Variants in AKAP6 observed in about 807,000 individuals in gnomAD.
AKAP6 encodes A-kinase anchor protein 6.
Under a neutral mutation model 188.5 loss-of-function variants are expected in AKAP6, and 58 were observed. The observed-to-expected ratio is 0.31, with a 90% CI of 0.25 to 0.38. The LOEUF (loss-of-function observed/expected upper bound fraction) is 0.38. AKAP6 is among the 10% of genes least tolerant of loss of function. The pLI is 1.00. For synonymous variants in AKAP6, 989 were observed against 998.6 expected, an observed-to-expected ratio of 0.99 and a Z score of 0.18; for missense variants, 2,710 against 2,740.0, an observed-to-expected ratio of 0.99 and a Z score of 0.24.
chr14:32,614,186 G>T (rs1886463363), intron 7 of AKAP6, among the ~76,000 whole-genome samples: 1 of 152,114 alleles, frequency 6.6e-6, no homozygotes, highest in Non-Finnish European at 1.5e-5. Context: ...TATTATTTTT[G>T]TATTTTTTCC....
chr14:32,499,328 CAAAAAA>C (rs71432061), intron 2 of AKAP6, among the ~76,000 whole-genome samples: 4 of 111,096 alleles, frequency 3.6e-5, no homozygotes, highest in African/African-American at 1.3e-4. Flanking sequence ...AGTGTAACAG[CAAAAAA>C]AAAAAAAAAA....
At chr14:32,650,290 G>A (rs1055636705) in intron 7 of AKAP6, among the ~76,000 whole-genome samples, 1 of 152,130 alleles carries the variant, frequency 6.6e-6, no homozygotes, top group South Asian at 2.1e-4. Flanking sequence ...TTGTCTTTCA[G>A]ACATACCAGT....
intron 9 of AKAP6, among the ~76,000 whole-genome samples, chr14:32,725,007 A>AC (rs2030783935): frequency 6.7e-6 from 1 of 149,736 alleles, no homozygotes; most frequent in East Asian, 2.0e-4. Flanking sequence ...AAAAAAAAAA[A>AC]AAAAAAAAAA....
chr14:32,414,949 T>C (rs1889609744), intron 1 of AKAP6, among the ~76,000 whole-genome samples: 1 of 152,166 alleles, frequency 6.6e-6, no homozygotes, highest in South Asian at 2.1e-4. Flanking sequence ...CACAAGTAAT[T>C]ACATTATGTA....
intron 2 of AKAP6, among the ~76,000 whole-genome samples, chr14:32,512,943 A>G (rs1321054953): frequency 6.6e-6 from 1 of 152,218 alleles, no homozygotes; most frequent in Non-Finnish European, 1.5e-5. Flanking sequence ...CAAAAATTAT[A>G]TGTTGCAATA....
At chr14:32,355,077 T>C (rs145833249) in intron 1 of AKAP6, among the ~76,000 whole-genome samples, 7 of 152,330 alleles carry the variant, frequency 4.6e-5, no homozygotes, top group African/African-American at 1.7e-4. Context: ...TTCTATGGAC[T>C]AATTCTTTGA....
intron 2 of AKAP6, among the ~76,000 whole-genome samples, chr14:32,478,271 G>A (rs1315071632): frequency 2.0e-5 from 3 of 152,324 alleles, no homozygotes; most frequent in East Asian, 1.9e-4. Context: ...CCAAGTCCCT[G>A]TGTGATTGCC....
chr14:32,637,030 T>C (rs1239839730), intron 7 of AKAP6, among the ~76,000 whole-genome samples: 1 of 151,938 alleles, frequency 6.6e-6, no homozygotes, highest in African/African-American at 2.4e-5. Flanking sequence ...ATCCAAGAGA[T>C]GTTAGGGAGG....
At chr14:32,347,331 G>A (rs1042161682) in intron 1 of AKAP6, among the ~76,000 whole-genome samples, 1 of 152,100 alleles carries the variant, frequency 6.6e-6, no homozygotes, top group African/African-American at 2.4e-5. Context: ...AATTTCACCA[G>A]GTAAAACCCA....
chr14:32,547,115 G>C, intron 4 of AKAP6, 116 bp downstream of exon 4: 1 of 1,030,590 alleles, frequency 9.7e-7, no homozygotes. Context: ...TGATAAATCT[G>C]ATTCTCCAAA....
At chr14:32,573,841 G>A (rs927656966) in intron 4 of AKAP6, among the ~76,000 whole-genome samples, 1 of 152,132 alleles carries the variant, frequency 6.6e-6, no homozygotes. Flanking sequence ...GTGTCCAAAT[G>A]TGAATACACC....
chr14:32,812,383 A>C (rs1449342133), intron 12 of AKAP6, among the ~76,000 whole-genome samples: 1 of 152,170 alleles, frequency 6.6e-6, no homozygotes, highest in Non-Finnish European at 1.5e-5. Context: ...ACTCTTCCTA[A>C]ATTTTTAAAA....
At chr14:32,625,770 T>C (rs1886995193) in intron 7 of AKAP6, among the ~76,000 whole-genome samples, 1 of 152,150 alleles carries the variant, frequency 6.6e-6, no homozygotes, top group African/African-American at 2.4e-5. Context: ...ACCAGCTGTG[T>C]GTGGAACATT....
rs570016027 is a variant in AKAP6, at chr14:32,336,835, C to T, written c.-35+7427C>T. 2.6e-5 allele frequency among the ~76,000 whole-genome samples: 4 copies of T among 152,270 alleles called. No individual in the cohort carries two copies. In the South Asian group the frequency reaches 8.3e-4, roughly 32 times the overall value. On this transcript the variant is annotated intron_variant, in intron 1 of 13. Coordinates refer to ENST00000280979, the MANE Select transcript of AKAP6 (RefSeq NM_004274.5). ...CTCTTATCAGTGTTACCTTCTGGGA[C>T]TGTTCTGAACTCATTACAGTCCTCC...
chr14:32,329,586 A>G (rs1180732700), intron 1 of AKAP6, among the ~76,000 whole-genome samples, 178 bp downstream of exon 1: 1 of 152,104 alleles, frequency 6.6e-6, no homozygotes, highest in Admixed American at 6.6e-5. Context: ...TAAGAGTCAT[A>G]TAGGAATTAA....
chr14:32,835,365 C>T lies in AKAP6; in HGVS notation c.*5560C>T, dbSNP rs1302959390. 6.6e-6 allele frequency: 1 copy of T among 152,108 alleles called. No individual in the cohort carries two copies. The highest frequency in any genetic ancestry group is 1.5e-5 in the Non-Finnish European group (1 of 68,028). The allele number at this position is 152,108 out of a possible 1,614,324, so 9.4% of individuals were successfully genotyped here. A position where few individuals can be genotyped will look rare whatever the true frequency, so the allele number is the denominator to read the frequency against. On this transcript the variant is annotated 3_prime_UTR_variant, in exon 14 of 14. Coordinates refer to ENST00000280979, the MANE Select transcript of AKAP6 (RefSeq NM_004274.5). ...GCACTTAAAGATTGTTTCACATCCA[C>T]AGTTTGTTTAAGGATTTAAATTTAG... is the stretch of plus-strand genomic sequence containing the variant.
At chr14:32,510,392 GTGTATATATATGTATATATATGTA>G (rs1566546400) in intron 2 of AKAP6, among the ~76,000 whole-genome samples, 20 of 36,070 alleles carry the variant, frequency 5.5e-4, no homozygotes, top group Non-Finnish European at 7.2e-4. Flanking sequence ...ATATATATAT[GTGTATATATATGTATATATATGTA>G]TATATATACA....
At chr14:32,732,335 A>T in intron 9 of AKAP6, 119 bp from the exon 10 acceptor site, 1 of 1,135,234 alleles carries the variant, frequency 8.8e-7, no homozygotes, top group African/African-American at 1.6e-5. Flanking sequence ...TAGCCTCCCC[A>T]TAAATTTTAT....
chr14:32,827,173 A>G (rs956551254), intron 13 of AKAP6, among the ~76,000 whole-genome samples: 2 of 152,224 alleles, frequency 1.3e-5, no homozygotes, highest in Non-Finnish European at 1.5e-5. Context: ...ACATAGTAAA[A>G]ATTGTTTGAT....
Sources: gnomAD v4.1 joint callset for allele counts (sites outside exome capture counted in the v4.1 genomes callset) on GRCh38, gnomAD v4.1.1 for gene constraint, MANE v1.5 for transcripts, NCBI Gene and HGNC (gene_info 2026-07-23, HGNC 2026-07-21) for gene names.